Variants in TRMO observed in about 807,000 individuals in gnomAD.
TRMO encodes tRNA (adenine(37)-N6)-methyltransferase.
Under a neutral mutation model 37.2 loss-of-function variants are expected in TRMO, and 30 were observed. The ratio of observed to expected loss-of-function variants is 0.81; its 90% CI spans 0.60 to 1.09. The LOEUF (loss-of-function observed/expected upper bound fraction) is 1.09, where lower values mean the gene tolerates loss of function less well. TRMO is among the 50% of genes least tolerant of loss of function. TRMO has a pLI of 0.00. For missense variants in TRMO, 552 were observed against 549.5 expected, an observed-to-expected ratio of 1.00 and a Z score of -0.05; for synonymous variants, 239 against 199.4, an observed-to-expected ratio of 1.20 and a Z score of -1.67.
intron 1 of TRMO, among the ~76,000 whole-genome samples, chr9:97,921,512 T>C (rs554176796): frequency 6.7e-6 from 1 of 149,346 alleles, no homozygotes; most frequent in Non-Finnish European, 1.5e-5. Flanking sequence ...CAAGCCCGCC[T>C]CCCGGGTTCA....
rs566191366 is a variant in TRMO at position 97,914,415 on chromosome 9, A to G, written c.252-857T>C. On this transcript the variant is annotated intron_variant, in intron 2 of 4. Transcript: ENST00000375119. ...CATATTGTGTTGGGAAGGGTGTAAG[A>G]AAAAGGTCATTTGCATATATTATTG... Among the ~76,000 whole-genome samples the G allele has an allele frequency of 2.8e-4, 42 of 152,358 alleles. No individual in the cohort carries two copies. The South Asian group carries it at 8.3e-3, about 30-fold the overall frequency.
At chr9:97,908,013 C>A (rs1256903786) in intron 4 of TRMO, among the ~76,000 whole-genome samples, 1 of 152,162 alleles carries the variant, frequency 6.6e-6, no homozygotes, top group Non-Finnish European at 1.5e-5. Context: ...GGTGCAGTGG[C>A]TCACACCTGT....
chr9:97,911,942 A>C (rs1826144533), intron 3 of TRMO: 1 of 152,228 alleles, frequency 6.6e-6, no homozygotes, highest in Non-Finnish European at 1.5e-5. Flanking sequence ...GGAACTCTGG[A>C]AAGATGATTC....
At chr9:97,911,213 G>C (rs1826110178) in intron 3 of TRMO, 1 of 206,454 alleles carries the variant, frequency 4.8e-6, no homozygotes, top group African/African-American at 2.4e-5. Flanking sequence ...GGCAAAAGAG[G>C]TATGATGTCC....
At chr9:97,918,198 T>C (rs1178802795) in intron 1 of TRMO, among the ~76,000 whole-genome samples, 2 of 150,116 alleles carry the variant, frequency 1.3e-5, no homozygotes, top group Admixed American at 1.3e-4. Context: ...CTGGCCAACA[T>C]GGTGAAACCC....
the TRMO span, among the ~76,000 whole-genome samples, chr9:97,896,993 A>G: frequency 5.9e-5 from 9 of 152,214 alleles, no homozygotes; most frequent in Non-Finnish European, 8.8e-5. Flanking sequence ...CAGAGAACCC[A>G]CCCCAAGGTA....
At chr9:97,901,136 T>C (rs1831160048), downstream of TRMO, among the ~76,000 whole-genome samples, 1 of 152,314 alleles carries the variant, frequency 6.6e-6, no homozygotes, top group East Asian at 1.9e-4. Context: ...ACTCCTGGTG[T>C]TTTCCTCCAA....
At chr9:97,904,210 T>C (rs1295736407), downstream of TRMO, among the ~76,000 whole-genome samples, 1 of 152,178 alleles carries the variant, frequency 6.6e-6, no homozygotes, top group Non-Finnish European at 1.5e-5. Flanking sequence ...ATTAAATATA[T>C]ATACATATAT....
In TRMO at chr9:97,920,139, A is replaced by G. The variant is rs151218542; in HGVS notation, c.76+2279T>C. On this transcript the variant is annotated intron_variant, in intron 1 of 4. Transcript: ENST00000375119. ...AACAACAAAAACCCAAAAGAACAGTAAACACCTACCATTTTGGTAAGCACT... is the reference window on the plus strand; with the variant it reads ...AACAACAAAAACCCAAAAGAACAGTGAACACCTACCATTTTGGTAAGCACT... Among the ~76,000 whole-genome samples the G allele has an allele frequency of 2.6e-5, 4 of 152,356 alleles. No homozygotes were observed. In the East Asian group the frequency reaches 7.7e-4, roughly 29 times the overall value.
intron 1 of TRMO, among the ~76,000 whole-genome samples, chr9:97,919,489 G>A (rs1207721941): frequency 2.9e-4 from 44 of 152,188 alleles, no homozygotes. Context: ...TTTTCCAAGT[G>A]TCTACAATTG....
Position 97,921,238 on chromosome 9 carries a change from G to A in TRMO, c.76+1180C>T, listed in dbSNP as rs189358026. On this transcript the variant is annotated intron_variant, in intron 1 of 4. Coordinates refer to ENST00000375119, the MANE Select transcript of TRMO (RefSeq NM_016481.5). The stretch of plus-strand genomic sequence containing the variant: ...CTTAAATGCTCAGTAACAGGAAGCT[G>A]GTTAAATTAGAGCACATATCTAAAA... Among the ~76,000 whole-genome samples, 25 of 152,282 alleles carry A rather than the reference G, an allele frequency of 1.6e-4. No individual in the cohort carries two copies. The East Asian group carries it at 4.2e-3, about 26-fold the overall frequency.
intron 4 of TRMO, among the ~76,000 whole-genome samples, chr9:97,907,826 T>G (rs1295548051): frequency 6.6e-6 from 1 of 152,146 alleles, no homozygotes; most frequent in Non-Finnish European, 1.5e-5. Flanking sequence ...TCTGACCACA[T>G]GACCTCAAAC....
At chr9:97,916,854 C>T (rs922670836) in intron 1 of TRMO, among the ~76,000 whole-genome samples, 1 of 151,170 alleles carries the variant, frequency 6.6e-6, no homozygotes, top group African/African-American at 2.4e-5. Flanking sequence ...TACAGGCGCC[C>T]ACCACCACGC....
At chr9:97,908,336 C>T (rs556765982) in intron 4 of TRMO, among the ~76,000 whole-genome samples, 53 of 148,618 alleles carry the variant, frequency 3.6e-4, no homozygotes, top group African/African-American at 6.0e-4. Flanking sequence ...GGTGTGAACC[C>T]GGGAGGCGGA....
chr9:97,918,716 C>A (rs1826483893), intron 1 of TRMO, among the ~76,000 whole-genome samples: 1 of 152,134 alleles, frequency 6.6e-6, no homozygotes, highest in Admixed American at 6.5e-5. Flanking sequence ...ATATCATATG[C>A]AACATACATG....
At chr9:97,913,791 C>CA (rs1484655321) in intron 2 of TRMO, among the ~76,000 whole-genome samples, 2 of 152,214 alleles carry the variant, frequency 1.3e-5, no homozygotes, top group African/African-American at 4.8e-5. Context: ...AACTGGCACA[C>CA]AGTAGGAACT....
At chr9:97,917,132 T>C (rs972557663) in intron 1 of TRMO, among the ~76,000 whole-genome samples, 5 of 152,074 alleles carry the variant, frequency 3.3e-5, no homozygotes, top group Non-Finnish European at 5.9e-5. Context: ...TACACAAAAG[T>C]AAATGAGAAA....
rs1826226132 is a variant in TRMO at position 97,913,578 on chromosome 9, A to C, written c.252-20T>G. ...AAAATCCTATAGAAAACAAAACAAA[A>C]CAAACCACGGAATAAGAAAAGAGCA... On this transcript the variant is annotated intron_variant, in intron 2 of 4. Transcript: ENST00000375119. 11 of 1,515,900 alleles carry C rather than the reference A, an allele frequency of 7.3e-6. No individual in the cohort carries two copies. Among genetic ancestry groups the C allele is most frequent in the Non-Finnish European group, 1.0e-5 (11 of 1,096,204 alleles). 93.9% of individuals were successfully genotyped at this position (1,515,900 alleles called of 1,614,324 possible).
chr9:97,905,123 G>A (rs928768264), intron 4 of TRMO, 131 bp from the exon 5 acceptor site: 19 of 954,248 alleles, frequency 2.0e-5, no homozygotes, highest in East Asian at 7.4e-5. Context: ...AAAACTATTT[G>A]ATCATTACGG....
Sources: allele counts gnomAD v4.1 joint callset (sites outside exome capture counted in the v4.1 genomes callset), GRCh38; gene constraint gnomAD v4.1.1; transcripts MANE v1.5; gene names NCBI Gene and HGNC (gene_info 2026-07-23, HGNC 2026-07-21).